Variants in AKR1C1 observed in about 807,000 individuals in gnomAD.
AKR1C1 encodes the protein 20 alpha-hydroxysteroid dehydrogenase.
AKR1C1 carries 32 observed loss-of-function variants against 40.6 expected under a neutral mutation model. The ratio of observed to expected loss-of-function variants is 0.79; its 90% CI spans 0.60 to 1.06. The LOEUF (loss-of-function observed/expected upper bound fraction) is 1.06. AKR1C1 is among the 50% of genes least tolerant of loss of function. AKR1C1 has a pLI of 0.00. For synonymous variants in AKR1C1, 105 were observed against 134.2 expected (o/e 0.78, Z 1.50); for missense variants, 320 against 363.5 (o/e 0.88, Z 0.97).
At chr10:4,976,741 G>T (rs541307290) in intron 8 of AKR1C1, among the ~76,000 whole-genome samples, 1 of 152,178 alleles carries the variant, frequency 6.6e-6, no homozygotes, top group African/African-American at 2.4e-5. Flanking sequence ...TTATGTAACT[G>T]CTGGCAGTAG....
chr10:4,969,839 G>A, intron 5 of AKR1C1: 1 of 1,194,022 alleles, frequency 8.4e-7, no homozygotes, highest in Non-Finnish European at 1.2e-6. Flanking sequence ...AAAACTTAGA[G>A]TCAATCAGTG....
intron 5 of AKR1C1, among the ~76,000 whole-genome samples, chr10:4,971,318 C>A (rs1293317522): frequency 1.3e-5 from 2 of 151,872 alleles, no homozygotes; most frequent in African/African-American, 4.8e-5. Flanking sequence ...TAAAGGTGAA[C>A]TTCTTCCTTC....
At position 4,981,291 on chromosome 10, in the gene AKR1C1, C is replaced by T. The variant is rs782639837; in HGVS notation, c.*3549C>T. The T allele has an allele frequency of 6.6e-6, 1 of 152,108 alleles. No homozygotes were observed. 9.4% of individuals were successfully genotyped at this position (152,108 alleles called of 1,614,324 possible). A position where few individuals can be genotyped will look rare whatever the true frequency, so the allele number is the denominator to read the frequency against. On this transcript the variant is annotated 3_prime_UTR_variant, in exon 9 of 9. Coordinates refer to ENST00000380872, the MANE Select transcript of AKR1C1 (RefSeq NM_001353.6). Reference sequence around the variant, plus strand: ...GATTGTTAGAATAGTAAATGAACATCATATGTTGTAATATAGTTAGCCAGG... The same window carrying T: ...GATTGTTAGAATAGTAAATGAACATTATATGTTGTAATATAGTTAGCCAGG...
At chr10:4,970,963 A>T (rs1281743099) in intron 5 of AKR1C1, among the ~76,000 whole-genome samples, 8 of 152,004 alleles carry the variant, frequency 5.3e-5, no homozygotes, top group South Asian at 2.1e-4. Flanking sequence ...AGTATAATAA[A>T]AAAAAAAAAA....
chr10:4,972,032 T>C (rs1836437355), intron 5 of AKR1C1, among the ~76,000 whole-genome samples, 169 bp from the exon 6 acceptor site: 1 of 151,396 alleles, frequency 6.6e-6, no homozygotes, highest in African/African-American at 2.4e-5. Flanking sequence ...TCTATTTTCT[T>C]AGGAGAGAGG....
intron 4 of AKR1C1, 48 bp from the exon 5 acceptor site, chr10:4,968,774 T>C (rs201809977): frequency 1.2e-6 from 2 of 1,613,890 alleles, no homozygotes; most frequent in Non-Finnish European, 1.7e-6. Flanking sequence ...CACAGTTCTG[T>C]GTCACATTTA....
rs1330936733 is a variant in AKR1C1 at position 4,967,181 on chromosome 10, T to C, written c.369+138T>C. On this transcript the variant is annotated intron_variant, in intron 3 of 8. Transcript: ENST00000380872. ...GAAGAAGAATCCTAAATCTAACTCC[T>C]AATTCCTTTCTATGGGATACATTTT... is the stretch of plus-strand genomic sequence containing the variant. The C allele has an allele frequency of 2.9e-6, 3 of 1,039,176 alleles. No homozygotes were observed. In the African/African-American group the frequency reaches 4.8e-5, roughly 17 times the overall value. The allele number at this position is 1,039,176 out of a possible 1,614,324, so 64.4% of individuals were successfully genotyped here.
At chr10:4,965,778 G>A in intron 1 of AKR1C1, 136 bp from the exon 2 acceptor site, 14 of 1,016,574 alleles carry the variant, frequency 1.4e-5, no homozygotes, top group South Asian at 3.9e-5. Context: ...GGGAGACTGG[G>A]ATGGGCTCAT....
Position 4,978,926 on chromosome 10 carries a change from T to C in AKR1C1, c.*1184T>C, listed in dbSNP as rs1166771129. 1 of 152,240 alleles carries C rather than the reference T, an allele frequency of 6.6e-6. No homozygotes were observed. The highest frequency in any genetic ancestry group is 2.1e-4 in the South Asian group (1 of 4,834). 9.4% of individuals were successfully genotyped at this position (152,240 alleles called of 1,614,324 possible). ...AGTTAATCAGCTAATCATGAAGACA[T>C]GATTTTCATTTTAGAAAACACTTTT... On this transcript the variant is annotated 3_prime_UTR_variant, in exon 9 of 9. Coordinates refer to ENST00000380872, the MANE Select transcript of AKR1C1 (RefSeq NM_001353.6).
intron 5 of AKR1C1, 39 bp downstream of exon 5, chr10:4,968,983 G>A: frequency 3.7e-6 from 6 of 1,613,844 alleles, no homozygotes; most frequent in Non-Finnish European, 5.1e-6. Context: ...TGTTCTTCAT[G>A]CCCCTCTTTC....
At chr10:4,971,541 G>C (rs1397010075) in intron 5 of AKR1C1, among the ~76,000 whole-genome samples, 1 of 146,482 alleles carries the variant, frequency 6.8e-6, no homozygotes, top group African/African-American at 2.5e-5. Flanking sequence ...TATGAAAGAA[G>C]AATGTGATCA....
In AKR1C1 at chr10:4,967,054, T is replaced by C; in HGVS notation, c.369+11T>C. 1.9e-6 allele frequency: 3 copies of C among 1,607,378 alleles called. No individual in the cohort carries two copies. The African/African-American group carries it at 4.0e-5, about 21-fold the overall frequency. On this transcript the variant is annotated intron_variant, in intron 3 of 8. Transcript: ENST00000380872. ...CCAGTGTCTGTAAAGGTAGGCAGCT[T>C]GTGTGATCAAATTAATTTCACTTTT...
intron 7 of AKR1C1, among the ~76,000 whole-genome samples, chr10:4,975,076 A>G (rs1360318402): frequency 3.3e-5 from 5 of 152,062 alleles, no homozygotes; most frequent in African/African-American, 1.2e-4. Context: ...ATATATAATT[A>G]ATTTCATAAC....
intron 7 of AKR1C1, among the ~76,000 whole-genome samples, chr10:4,975,436 T>A (rs550377151): frequency 2.0e-5 from 3 of 152,326 alleles, no homozygotes; most frequent in Admixed American, 1.3e-4. Context: ...AAAACTAATT[T>A]TTCCTATTAT....
chr10:4,970,325 A>C (rs1292892385), intron 5 of AKR1C1, among the ~76,000 whole-genome samples: 2 of 152,078 alleles, frequency 1.3e-5, no homozygotes, highest in African/African-American at 4.8e-5. Context: ...TCTTTTTTTA[A>C]CCAGAATTCA....
At chr10:4,971,617 T>C (rs1392496290) in intron 5 of AKR1C1, among the ~76,000 whole-genome samples, 2 of 148,712 alleles carry the variant, frequency 1.3e-5, no homozygotes, top group African/African-American at 4.9e-5. Flanking sequence ...CTGGTGACAT[T>C]TGAGATATCA....
intron 7 of AKR1C1, among the ~76,000 whole-genome samples, chr10:4,974,461 T>G (rs1329907803): frequency 6.6e-6 from 1 of 152,090 alleles, no homozygotes; most frequent in Non-Finnish European, 1.5e-5. Flanking sequence ...TTCATGCCTC[T>G]TTCTTGTGGT....
chr10:4,972,389 G>A, intron 6 of AKR1C1, 79 bp downstream of exon 6: 2 of 1,573,764 alleles, frequency 1.3e-6, no homozygotes, highest in South Asian at 1.1e-5. Flanking sequence ...GTTTCCTGGA[G>A]TTCACTCACA....
In AKR1C1 at chr10:4,968,901, T is replaced by A; in HGVS notation, c.527T>A (p.Ile176Asn). 6.2e-7 allele frequency: 1 copy of A among 1,614,162 alleles called. No homozygotes were observed. Among genetic ancestry groups the A allele is most frequent in the Non-Finnish European group, 8.5e-7 (1 of 1,180,030 alleles). ...SNFNRRQLEM[I>N]LNKPGLKYKP... ...TTCAACCGCAGGCAGCTGGAGATGA[T>A]CCTCAACAAGCCAGGGCTCAAGTAC... The change falls in exon 5 of 9, where the codon ATC (isoleucine) becomes AAC (asparagine). Residue 176 changes from isoleucine to asparagine, a missense_variant. This residue lies in a region of AKR1C1 where 214 missense variants were observed against 214.8 expected (regional missense o/e 1.00). Coordinates refer to ENST00000380872, the MANE Select transcript of AKR1C1 (RefSeq NM_001353.6).
Sources: allele counts gnomAD v4.1 joint callset (sites outside exome capture counted in the v4.1 genomes callset), GRCh38; gene constraint gnomAD v4.1.1; regional missense constraint gnomAD v4.1.1; transcripts MANE v1.5; gene names NCBI Gene and HGNC (gene_info 2026-07-23, HGNC 2026-07-21).